The following ANO7 variants were observed in gnomAD, a reference collection of about 807,000 sequenced individuals.
The protein encoded by ANO7 is anoctamin-7.
In ANO7, 114 loss-of-function variants were observed where a neutral mutation model predicts 115.8. The ratio of observed to expected loss-of-function variants is 0.98; its 90% CI spans 0.85 to 1.15. ANO7 has a LOEUF of 1.15. ANO7 is among the 50% of genes most tolerant of loss of function. ANO7 has a pLI of 0.00. For missense variants in ANO7, 1,302 were observed against 1,201.2 expected (o/e 1.08, Z -1.24); for synonymous variants, 550 against 498.2 (o/e 1.10, Z -1.38).
intron 21 of ANO7, among the ~76,000 whole-genome samples, chr2:241,222,418 C>A (rs2069045618): frequency 6.6e-6 from 1 of 151,866 alleles, no homozygotes; most frequent in African/African-American, 2.4e-5. Context: ...TGGGCTGTGG[C>A]CTGCTTCCCC....
chr2:241,212,887 C>G (rs1049611469), intron 17 of ANO7: 1 of 467,036 alleles, frequency 2.1e-6, no homozygotes, highest in African/African-American at 2.0e-5. Flanking sequence ...AATCTCAGCA[C>G]TTAGGGAGGC....
chr2:241,189,678 C>T (rs145783587), intron 1 of ANO7, among the ~76,000 whole-genome samples: 5 of 152,120 alleles, frequency 3.3e-5, no homozygotes, highest in Admixed American at 6.5e-5. Context: ...CTCCACCCTA[C>T]GGATAAGAGA....
intron 19 of ANO7, 151 bp from the exon 20 acceptor site, chr2:241,217,535 T>C: frequency 2.2e-6 from 2 of 902,416 alleles, no homozygotes; most frequent in Non-Finnish European, 1.7e-6. Flanking sequence ...CGCTGCGCGG[T>C]CCAGGACGAG....
intron 16 of ANO7, among the ~76,000 whole-genome samples, 174 bp downstream of exon 16, chr2:241,212,379 G>A (rs1017534862): frequency 1.1e-4 from 17 of 152,190 alleles, no homozygotes; most frequent in African/African-American, 3.6e-4. Flanking sequence ...GAGCAAACAG[G>A]GGCTGCCCAC....
chr2:241,230,295 G>A (rs867869298), downstream of ANO7: 3 of 1,376,412 alleles, frequency 2.2e-6, no homozygotes, highest in Middle Eastern at 1.8e-4. This position sits in a 1 kb window ranked among gnomAD's most constrained non-coding sequence, Gnocchi z 5.0. Flanking sequence ...AACGTCAGAT[G>A]AGGGGACTCC....
intron 5 of ANO7, among the ~76,000 whole-genome samples, chr2:241,199,702 G>A (rs1368864858): frequency 1.3e-5 from 2 of 152,236 alleles, no homozygotes; most frequent in Admixed American, 1.3e-4. Context: ...GCCACCTGCT[G>A]AGGGCCCTGC....
chr2:241,202,366 T>G, intron 8 of ANO7, 62 bp downstream of exon 8: 4 of 1,501,276 alleles, frequency 2.7e-6, no homozygotes, highest in Non-Finnish European at 3.7e-6. Context: ...TGGGTCCTGT[T>G]GGCCCCCAGG....
At chr2:241,198,491 ACTG>A (rs1175265739) in intron 4 of ANO7, among the ~76,000 whole-genome samples, 1 of 152,204 alleles carries the variant, frequency 6.6e-6, no homozygotes, top group African/African-American at 2.4e-5. Context: ...AGGGGGGACT[ACTG>A]CAGGGGACGC....
At chr2:241,197,078 G>A (rs1409559469) in intron 4 of ANO7, among the ~76,000 whole-genome samples, 2 of 152,188 alleles carry the variant, frequency 1.3e-5, no homozygotes. Context: ...TATAGTGGTG[G>A]CTCACCGTGG....
At chr2:241,238,809 A>G in the ANO7 span, 3 of 1,468,682 alleles carry the variant, frequency 2.0e-6, no homozygotes, top group African/African-American at 2.8e-5. This position sits in a 1 kb window ranked among gnomAD's most constrained non-coding sequence, Gnocchi z 4.9. Context: ...TACACAAAGA[A>G]AAAAGAAAAG....
At chr2:241,231,025 A>T in the ANO7 span, 1 of 1,216,022 alleles carries the variant, frequency 8.2e-7, no homozygotes, top group South Asian at 1.3e-5. Flanking sequence ...CCCACTGCTG[A>T]GGAAAACAGC....
At chr2:241,221,712 T>C (rs962684562) in intron 21 of ANO7, among the ~76,000 whole-genome samples, 1 of 151,462 alleles carries the variant, frequency 6.6e-6, no homozygotes, top group Non-Finnish European at 1.5e-5. Flanking sequence ...AGTTTTCCTC[T>C]TGTCGCCAAG....
At chr2:241,192,225 T>C (rs1211408156) in intron 3 of ANO7, among the ~76,000 whole-genome samples, 1 of 152,168 alleles carries the variant, frequency 6.6e-6, no homozygotes, top group Non-Finnish European at 1.5e-5. Context: ...CTCGGGAGGC[T>C]GAGGCAGGAG....
At chr2:241,226,239 G>C (rs942655382), downstream of ANO7, among the ~76,000 whole-genome samples, 7 of 152,092 alleles carry the variant, frequency 4.6e-5, no homozygotes, top group Admixed American at 3.3e-4. Context: ...TGGAACTGGG[G>C]ACTTTGCATT....
At position 241,214,871 on chromosome 2, in the gene ANO7, G is replaced by C. The variant is rs549340590; in HGVS notation, c.1795G>C (p.Val599Leu). ...CCTGGTCATCATGGTGGGCAAGCAGGTCATCAACAACATGCAGGAGGTCCT... is the reference window on the plus strand; with the variant it reads ...CCTGGTCATCATGGTGGGCAAGCAGCTCATCAACAACATGCAGGAGGTCCT... Reference protein sequence around the residue: ...ELLVIMVGKQVINNMQEVLIP... With the variant: ...ELLVIMVGKQLINNMQEVLIP... Residue 599 changes from valine to leucine, a missense_variant, in exon 18 of 25, where the codon GTC becomes CTC. By Grantham distance (32) the Val-to-Leu change is conservative. Coordinates refer to ENST00000674324, the MANE Select transcript of ANO7 (RefSeq NM_001370694.2). 1.2e-6 allele frequency: 2 copies of C among 1,612,948 alleles called. No individual in the cohort carries two copies. Among genetic ancestry groups the C allele is most frequent in the Non-Finnish European group, 1.7e-6 (2 of 1,179,954 alleles).
Position 241,189,138 on chromosome 2 carries a change from G to C in ANO7, c.-8+372G>C, listed in dbSNP as rs371899092. Among the ~76,000 whole-genome samples, 14 of 152,246 alleles carry C rather than the reference G, an allele frequency of 9.2e-5. No individual in the cohort carries two copies. The South Asian group carries it at 1.4e-3, about 16-fold the overall frequency. On this transcript the variant is annotated intron_variant, in intron 1 of 24. Transcript: ENST00000674324. ...GGCTGCTGGGTGGCCGAAACTCCTC[G>C]GGGACTTTCCTCCAGGAACACCCCA...
chr2:241,199,062 C>G (rs1025166801), intron 4 of ANO7: 40 of 476,840 alleles, frequency 8.4e-5, no homozygotes, highest in Non-Finnish European at 1.4e-4. Flanking sequence ...CAGGTGACGC[C>G]GGTCCCAACA....
chr2:241,218,183 G>C, intron 20 of ANO7, 56 bp from the exon 21 acceptor site: 1 of 1,170,018 alleles, frequency 8.5e-7, no homozygotes, highest in African/African-American at 1.7e-5. Context: ...GGGGCGGAGC[G>C]GGGGCGCGCA....
chr2:241,217,772 C>T lies in ANO7; in HGVS notation c.2059C>T (p.Arg687Cys), dbSNP rs774311947. Residue 687 changes from arginine to cysteine, a missense_variant, in exon 20 of 25, where the codon CGC becomes TGC. By Grantham distance (180) the Arg-to-Cys change is radical. Transcript: ENST00000674324. ...CCTGCTCAACAACTGGGTGGAGATC[C>T]GCTTGGACGCGCGCAAGTTCGTCTG... ...FALLNNWVEIRLDARKFVCEY... is the reference protein window; with the variant it reads ...FALLNNWVEICLDARKFVCEY... 1.2e-6 allele frequency: 2 copies of T among 1,609,110 alleles called. No individual in the cohort carries two copies. The highest frequency in any genetic ancestry group is 2.2e-5 in the East Asian group (1 of 44,786).
Sources: gnomAD v4.1 joint callset for allele counts (sites outside exome capture counted in the v4.1 genomes callset) on GRCh38, gnomAD v4.1.1 for gene constraint, Gnocchi (gnomAD v3.1) non-coding constraint, MANE v1.5 for transcripts, NCBI Gene and HGNC (gene_info 2026-07-23, HGNC 2026-07-21) for gene names.